Variants in TSHR observed in about 807,000 individuals in gnomAD.
TSHR encodes thyrotropin receptor.
TSHR carries 51 observed loss-of-function variants against 64.1 expected under a neutral mutation model. The ratio of observed to expected loss-of-function variants is 0.80; its 90% CI spans 0.64 to 1.01. The LOEUF (loss-of-function observed/expected upper bound fraction) is 1.01, where lower values mean the gene tolerates loss of function less well. Among genes scored for constraint, TSHR ranks in the 50% least tolerant of loss-of-function variants. TSHR has a pLI of 0.00. For synonymous variants in TSHR, 361 were observed against 361.9 expected (o/e 1.00, Z 0.03); for missense variants, 877 against 942.8 (o/e 0.93, Z 0.91).
chr14:81,139,455 A>G (rs1306053353), intron 8 of TSHR, among the ~76,000 whole-genome samples: 3 of 152,220 alleles, frequency 2.0e-5, no homozygotes, highest in Non-Finnish European at 2.9e-5. Flanking sequence ...TGGAAATAGC[A>G]TTTGTACTAC....
chr14:80,981,053 G>A (rs1888143241), intron 1 of TSHR, among the ~76,000 whole-genome samples: 1 of 152,168 alleles, frequency 6.6e-6, no homozygotes, highest in African/African-American at 2.4e-5. Context: ...GGGGGTGTCA[G>A]TTTGAAAACT....
intron 1 of TSHR, among the ~76,000 whole-genome samples, chr14:81,046,376 G>A (rs541777043): frequency 6.6e-6 from 1 of 151,898 alleles, no homozygotes; most frequent in African/African-American, 2.4e-5. Context: ...AACTTCTAAA[G>A]TTAAAAATAT....
rs121908869 is a variant in TSHR, at chr14:80,955,802, G to C, written c.122G>C (p.Cys41Ser). Residue 41 changes from cysteine to serine, a missense_variant, in exon 1 of 10, where the codon TGC (cysteine) becomes TCC (serine). Transcript: ENST00000298171. ...CHQEEDFRVT[C>S]KDIQRIPSLP... Reference sequence around the variant, plus strand: ...CAGGAGGAGGACTTCAGAGTCACCTGCAAGGATATTCAACGCATCCCCAGC... The same window carrying C: ...CAGGAGGAGGACTTCAGAGTCACCTCCAAGGATATTCAACGCATCCCCAGC... The C allele has an allele frequency of 3.5e-5, 56 of 1,614,100 alleles. No individual in the cohort carries two copies. Among genetic ancestry groups the C allele is most frequent in the Non-Finnish European group, 4.7e-5 (55 of 1,180,056 alleles).
At chr14:81,083,615 T>C (rs887420169) in intron 3 of TSHR, among the ~76,000 whole-genome samples, 1 of 152,174 alleles carries the variant, frequency 6.6e-6, no homozygotes, top group African/African-American at 2.4e-5. Context: ...GATCCTTACC[T>C]GCATCACACG....
At chr14:81,114,518 C>G (rs373747571) in intron 8 of TSHR, among the ~76,000 whole-genome samples, 1 of 152,234 alleles carries the variant, frequency 6.6e-6, no homozygotes, top group African/African-American at 2.4e-5. Context: ...GCACCTGGCT[C>G]GGAGGGTCCT....
At chr14:81,009,177 T>C (rs1413258631) in intron 1 of TSHR, among the ~76,000 whole-genome samples, 1 of 152,244 alleles carries the variant, frequency 6.6e-6, no homozygotes, top group African/African-American at 2.4e-5. Flanking sequence ...ATCATGCTTT[T>C]ATGTCCTCTT....
intron 2 of TSHR, 90 bp downstream of exon 2, chr14:81,062,309 T>G (rs1886303701): frequency 1.1e-6 from 1 of 941,828 alleles, no homozygotes; most frequent in South Asian, 1.5e-5. Flanking sequence ...GGTATTATAC[T>G]TGCATAAATC....
intron 1 of TSHR, among the ~76,000 whole-genome samples, chr14:81,029,861 C>T (rs1438688395): frequency 2.6e-5 from 4 of 152,142 alleles, no homozygotes; most frequent in African/African-American, 9.7e-5. Context: ...AATTTCCAAG[C>T]CTCAGCGCTA....
In TSHR at chr14:81,108,455, G is replaced by A. The variant is rs552128204; in HGVS notation, c.692+3G>A. ...GTATACAGTGGACCAAGCTTGCTGT[G>A]AGTAAGACATACAAAAGAATATTTT... On this transcript the variant is annotated splice_donor_region_variant and intron_variant, in intron 8 of 9. Transcript: ENST00000298171. The A allele has an allele frequency of 2.2e-4, 356 of 1,610,194 alleles. 5 individuals carry two copies. In the South Asian group the frequency reaches 3.7e-3, roughly 17 times the overall value.
intron 8 of TSHR, among the ~76,000 whole-genome samples, chr14:81,131,541 A>G (rs114671638): frequency 0.011 from 1,685 of 152,270 alleles, 33 homozygotes; most frequent in African/African-American, 0.038. Flanking sequence ...CACATGTTCT[A>G]TGCCCTCACC....
chr14:81,044,831 G>C (rs1885099101), intron 1 of TSHR, among the ~76,000 whole-genome samples: 1 of 152,120 alleles, frequency 6.6e-6, no homozygotes, highest in South Asian at 2.1e-4. Context: ...TATTGTGGAA[G>C]ACTGTGTGGT....
intron 3 of TSHR, among the ~76,000 whole-genome samples, chr14:81,074,841 G>A (rs1887378705): frequency 6.6e-6 from 1 of 152,176 alleles, no homozygotes; most frequent in Non-Finnish European, 1.5e-5. Context: ...TAAATAGAAA[G>A]ATGAGCAGTT....
chr14:81,126,068 C>T (rs897914589), intron 8 of TSHR, among the ~76,000 whole-genome samples: 3 of 152,042 alleles, frequency 2.0e-5, no homozygotes, highest in Admixed American at 6.6e-5. Context: ...ACTTGGTTTC[C>T]CCCAAAATCC....
chr14:80,967,828 T>C (rs536857983), intron 1 of TSHR, among the ~76,000 whole-genome samples: 294 of 152,292 alleles, frequency 1.9e-3, no homozygotes, highest in Non-Finnish European at 3.5e-3. Context: ...GAATTCTTGT[T>C]GGGGAGTATG....
intron 1 of TSHR, among the ~76,000 whole-genome samples, chr14:80,969,065 A>C (rs1370233902): frequency 1.3e-5 from 2 of 152,174 alleles, no homozygotes; most frequent in Non-Finnish European, 2.9e-5. Flanking sequence ...CCGGGTTTTC[A>C]GACATGTGTA....
chr14:80,964,353 C>T (rs1030483259), intron 1 of TSHR, among the ~76,000 whole-genome samples: 4 of 152,212 alleles, frequency 2.6e-5, no homozygotes, highest in Non-Finnish European at 5.9e-5. Context: ...TAGATCACCT[C>T]TGATGAAGTA....
chr14:81,061,505 G>T (rs928662447), intron 1 of TSHR, among the ~76,000 whole-genome samples: 4 of 152,024 alleles, frequency 2.6e-5, no homozygotes, highest in African/African-American at 9.7e-5. Flanking sequence ...GACTTGGATG[G>T]AGCTGGAGGC....
chr14:80,959,106 G>A (rs1427688108), intron 1 of TSHR, among the ~76,000 whole-genome samples: 3 of 152,154 alleles, frequency 2.0e-5, no homozygotes, highest in African/African-American at 4.8e-5. Flanking sequence ...ATGCAGGGGA[G>A]AGAGTTACGG....
Position 81,144,211 on chromosome 14 carries a change from A to G in TSHR, c.2153A>G (p.Asp718Gly). 1 of 1,613,528 alleles carries G rather than the reference A, an allele frequency of 6.2e-7. No homozygotes were observed. Among genetic ancestry groups the G allele is most frequent in the Non-Finnish European group, 8.5e-7 (1 of 1,179,640 alleles). Residue 718 changes from aspartate (D) to glycine (G), a missense_variant, in exon 10 of 10, where the codon GAT becomes GGT. Coordinates refer to ENST00000298171, the MANE Select transcript of TSHR (RefSeq NM_000369.5). ...GQRVPPKNST[D>G]IQVQKVTHEM... ...AGGGTTCCTCCAAAGAACAGCACTG[A>G]TATTCAGGTTCAAAAGGTTACCCAC...
Sources: gnomAD v4.1 joint callset for allele counts (sites outside exome capture counted in the v4.1 genomes callset) on GRCh38, gnomAD v4.1.1 for gene constraint, MANE v1.5 for transcripts, NCBI Gene and HGNC (gene_info 2026-07-23, HGNC 2026-07-21) for gene names.